Variants in ADAMTSL3 observed in about 807,000 individuals in gnomAD.
ADAMTSL3 encodes ADAMTS-like protein 3.
In ADAMTSL3, 128 loss-of-function variants were observed where a neutral mutation model predicts 201.7. The ratio of observed to expected loss-of-function variants is 0.63; its 90% CI spans 0.55 to 0.73. The LOEUF is 0.73. Ranked by LOEUF, ADAMTSL3 falls within the 30% of genes least tolerant of loss-of-function variation. ADAMTSL3 has a pLI of 0.00. For synonymous variants in ADAMTSL3, 738 were observed against 748.4 expected (o/e 0.99, Z 0.23); for missense variants, 1,990 against 2,119.6 (o/e 0.94, Z 1.20).
intron 23 of ADAMTSL3, 61 bp from the exon 24 acceptor site, chr15:84,014,481 G>C: frequency 6.8e-7 from 1 of 1,460,322 alleles, no homozygotes; most frequent in Non-Finnish European, 9.5e-7. Context: ...TATTTGTCAA[G>C]TGGTTCTGTG....
At chr15:83,670,842 G>C (rs1298151491) in intron 2 of ADAMTSL3, among the ~76,000 whole-genome samples, 1 of 152,116 alleles carries the variant, frequency 6.6e-6, no homozygotes, top group Non-Finnish European at 1.5e-5. Flanking sequence ...GTATCTCCTG[G>C]GCTAAACCAA....
At chr15:83,748,299 A>G (rs1045643020) in intron 3 of ADAMTSL3, among the ~76,000 whole-genome samples, 3 of 152,144 alleles carry the variant, frequency 2.0e-5, no homozygotes, top group East Asian at 3.9e-4. Flanking sequence ...CAAGATTGTC[A>G]TCCTTCATTG....
At chr15:83,833,086 C>G (rs2064190714) in intron 6 of ADAMTSL3, among the ~76,000 whole-genome samples, 1 of 152,210 alleles carries the variant, frequency 6.6e-6, no homozygotes, top group Non-Finnish European at 1.5e-5. Context: ...GTTAGCTCAT[C>G]ATAATCCTAT....
intron 3 of ADAMTSL3, among the ~76,000 whole-genome samples, chr15:83,715,772 C>T (rs915746768): frequency 1.3e-5 from 2 of 152,210 alleles, no homozygotes; most frequent in Admixed American, 6.5e-5. Context: ...CCCCAGGTTA[C>T]CTGTCTTCCC....
At chr15:83,929,591 T>C (rs1484286941) in intron 17 of ADAMTSL3, among the ~76,000 whole-genome samples, 1 of 152,072 alleles carries the variant, frequency 6.6e-6, no homozygotes, top group Non-Finnish European at 1.5e-5. Context: ...TCCACATCTT[T>C]TGTGGGAAGG....
At chr15:83,968,379 C>T (rs1242020158) in intron 19 of ADAMTSL3, among the ~76,000 whole-genome samples, 1 of 152,216 alleles carries the variant, frequency 6.6e-6, no homozygotes, top group Non-Finnish European at 1.5e-5. Context: ...TGAACAGATA[C>T]TTCTCCAAAG....
In ADAMTSL3 at chr15:83,712,659, A is replaced by C. The variant is rs115785783; in HGVS notation, c.189+8151A>C. 2.3e-3 allele frequency among the ~76,000 whole-genome samples: 343 copies of C among 152,276 alleles called. 2 individuals are homozygous for C. Among genetic ancestry groups the C allele is most frequent in the African/African-American group, 7.8e-3 (325 of 41,566 alleles). On this transcript the variant is annotated intron_variant, in intron 3 of 29. Coordinates refer to ENST00000286744, the MANE Select transcript of ADAMTSL3 (RefSeq NM_207517.3). The stretch of plus-strand genomic sequence containing the variant: ...TTAACACTTGGAGCAATTTCTGTTG[A>C]GCCTCCTGTCCCTGGGGTCAGCAGT...
rs1302101988 is a variant in ADAMTSL3 at position 83,957,164 on chromosome 15, G to A, written c.2491-13320G>A. Reference sequence around the variant, plus strand: ...ATGAGTGCAAACTGTGTGGAAATGAGACAGAGGGGTGTTCTAGAGTGACAA... The same window carrying A: ...ATGAGTGCAAACTGTGTGGAAATGAAACAGAGGGGTGTTCTAGAGTGACAA... On this transcript the variant is annotated intron_variant, in intron 19 of 29. Coordinates refer to ENST00000286744, the MANE Select transcript of ADAMTSL3 (RefSeq NM_207517.3). Among the ~76,000 whole-genome samples the A allele has an allele frequency of 2.0e-5, 3 of 152,212 alleles. No homozygotes were observed. In the East Asian group the frequency reaches 5.8e-4, roughly 29 times the overall value.
chr15:83,776,750 A>C (rs1309400229), intron 4 of ADAMTSL3, among the ~76,000 whole-genome samples: 1 of 152,172 alleles, frequency 6.6e-6, no homozygotes, highest in Non-Finnish European at 1.5e-5. Context: ...AAAATCCATA[A>C]AATGGTCAGG....
At chr15:83,744,085 C>T (rs1028150996) in intron 3 of ADAMTSL3, among the ~76,000 whole-genome samples, 80 of 152,180 alleles carry the variant, frequency 5.3e-4, no homozygotes, top group African/African-American at 1.7e-3. Context: ...CTCCTGACCT[C>T]GTGATCTGCC....
intron 1 of ADAMTSL3, among the ~76,000 whole-genome samples, chr15:83,655,331 T>C (rs2061064800): frequency 6.6e-6 from 1 of 152,218 alleles, no homozygotes; most frequent in South Asian, 2.1e-4. Flanking sequence ...CCTTTCCCTC[T>C]CTGGGCGGCT....
At chr15:83,856,183 CCT>C (rs1290623516) in intron 7 of ADAMTSL3, among the ~76,000 whole-genome samples, 18 of 148,572 alleles carry the variant, frequency 1.2e-4, no homozygotes, top group African/African-American at 4.5e-4. Context: ...TTTTTTTCCC[CCT>C]GAGACAAGCT....
At chr15:83,974,254 G>C (rs538586860) in intron 20 of ADAMTSL3, among the ~76,000 whole-genome samples, 72 of 152,256 alleles carry the variant, frequency 4.7e-4, no homozygotes, top group African/African-American at 1.7e-3. Context: ...TCAAATCCTA[G>C]TTCTTCCAGT....
chr15:83,949,722 A>G (rs566102462), intron 19 of ADAMTSL3, among the ~76,000 whole-genome samples: 2 of 152,256 alleles, frequency 1.3e-5, no homozygotes, highest in East Asian at 3.9e-4. Flanking sequence ...GTGAGATGGT[A>G]TCTCATTGTA....
chr15:83,947,989 T>G (rs2066686052), intron 19 of ADAMTSL3, among the ~76,000 whole-genome samples: 1 of 152,224 alleles, frequency 6.6e-6, no homozygotes, highest in Non-Finnish European at 1.5e-5. Flanking sequence ...TATGATCATC[T>G]CTGAGTTCTT....
intron 19 of ADAMTSL3, among the ~76,000 whole-genome samples, chr15:83,949,737 T>C (rs1596457352): frequency 6.6e-6 from 1 of 152,210 alleles, no homozygotes; most frequent in Non-Finnish European, 1.5e-5. Context: ...ATTGTAGTTC[T>C]GATTCGCATT....
intron 28 of ADAMTSL3, among the ~76,000 whole-genome samples, chr15:84,031,777 A>C (rs909750946): frequency 2.6e-5 from 4 of 152,220 alleles, no homozygotes; most frequent in African/African-American, 9.6e-5. Flanking sequence ...TTACAGATTA[A>C]ATCTTCTTAA....
At chr15:83,842,261 A>G (rs562831221) in intron 7 of ADAMTSL3, among the ~76,000 whole-genome samples, 27 of 152,054 alleles carry the variant, frequency 1.8e-4, no homozygotes, top group Middle Eastern at 6.8e-3. Flanking sequence ...GGATACAGAA[A>G]GCGCTGCGAT....
intron 8 of ADAMTSL3, among the ~76,000 whole-genome samples, chr15:83,859,577 A>G (rs963717799): frequency 3.3e-5 from 5 of 152,158 alleles, no homozygotes; most frequent in African/African-American, 1.2e-4. Context: ...TTAATCCACT[A>G]TTACCTTGTT....
Sources: gnomAD v4.1 joint callset for allele counts (sites outside exome capture counted in the v4.1 genomes callset) on GRCh38, gnomAD v4.1.1 for gene constraint, MANE v1.5 for transcripts, NCBI Gene and HGNC (gene_info 2026-07-23, HGNC 2026-07-21) for gene names.